ENTREP2: variants seen among roughly 807,000 people sequenced by gnomAD.
ENTREP2 encodes the protein endosomal transmembrane epsin interactor 2.
At chr15:29,201,088 A>AT in the ENTREP2 span, among the ~76,000 whole-genome samples, 1 of 152,176 alleles carries the variant, frequency 6.6e-6, no homozygotes, top group Non-Finnish European at 1.5e-5. Context: ...ATACAATTGA[A>AT]TTTTGTATGT....
chr15:29,589,176 T>C, the ENTREP2 span, among the ~76,000 whole-genome samples: 14 of 152,094 alleles, frequency 9.2e-5, no homozygotes, highest in African/African-American at 3.4e-4. Flanking sequence ...CTGGGGCAGC[T>C]GGCAAAGTTT....
the ENTREP2 span, among the ~76,000 whole-genome samples, chr15:29,596,610 A>G: frequency 6.6e-6 from 1 of 152,184 alleles, no homozygotes; most frequent in Admixed American, 6.6e-5. Flanking sequence ...TGGTACATTT[A>G]GATCCTTTTG....
chr15:29,534,900 T>C, the ENTREP2 span, among the ~76,000 whole-genome samples: 1 of 152,254 alleles, frequency 6.6e-6, no homozygotes, highest in Non-Finnish European at 1.5e-5. Flanking sequence ...TGATACTGTA[T>C]ACTTTTCAAA....
the ENTREP2 span, among the ~76,000 whole-genome samples, chr15:29,284,570 A>AC: frequency 1.5e-5 from 2 of 135,150 alleles, no homozygotes; most frequent in African/African-American, 5.3e-5. Flanking sequence ...AAAAAAAAAA[A>AC]AAACCAAAAA....
At chr15:29,236,844 T>C in the ENTREP2 span, among the ~76,000 whole-genome samples, 1 of 151,588 alleles carries the variant, frequency 6.6e-6, no homozygotes, top group Admixed American at 6.6e-5. Flanking sequence ...AGTATTACTC[T>C]GATACTGAAA....
chr15:29,404,074 C>T, the ENTREP2 span, among the ~76,000 whole-genome samples: 11 of 152,206 alleles, frequency 7.2e-5, no homozygotes, highest in East Asian at 1.9e-3. Context: ...CCTGTCCCCA[C>T]GAGGTTCTGA....
At chr15:29,248,241 T>TA in the ENTREP2 span, among the ~76,000 whole-genome samples, 125 of 148,782 alleles carry the variant, frequency 8.4e-4, no homozygotes, top group Middle Eastern at 3.4e-3. Flanking sequence ...TTAACTATAT[T>TA]AAAAAAAAGC....
the ENTREP2 span, among the ~76,000 whole-genome samples, chr15:29,626,288 A>G: frequency 6.6e-6 from 1 of 152,164 alleles, no homozygotes; most frequent in East Asian, 1.9e-4. Context: ...TAATCCCGAC[A>G]TGTCAAAGGC....
chr15:29,588,140 C>A, the ENTREP2 span, among the ~76,000 whole-genome samples: 1 of 152,196 alleles, frequency 6.6e-6, no homozygotes, highest in South Asian at 2.1e-4. Context: ...AAAGAACAAG[C>A]CATTTATATC....
chr15:29,186,437 A>C, the ENTREP2 span, among the ~76,000 whole-genome samples: 1 of 152,220 alleles, frequency 6.6e-6, no homozygotes, highest in Non-Finnish European at 1.5e-5. Flanking sequence ...CACCTCCCTT[A>C]GTGGTGGCTC....
the ENTREP2 span, chr15:29,136,453 G>A: frequency 7.9e-5 from 122 of 1,547,834 alleles, 1 homozygote; most frequent in East Asian, 2.0e-4. Flanking sequence ...TGATGGCCAC[G>A]TCATACAAAG....
chr15:29,237,941 A>G, the ENTREP2 span, among the ~76,000 whole-genome samples: 1 of 152,188 alleles, frequency 6.6e-6, no homozygotes, highest in Non-Finnish European at 1.5e-5. Context: ...CAAAAGGTGG[A>G]AACAACCCAA....
chr15:29,675,013 G>A, the ENTREP2 span: 1 of 153,400 alleles, frequency 6.5e-6, no homozygotes, highest in Non-Finnish European at 1.4e-5. Flanking sequence ...CCCCGCCGGG[G>A]CCTGGGCGCG....
chr15:29,198,050 G>T, the ENTREP2 span, among the ~76,000 whole-genome samples: 1 of 152,254 alleles, frequency 6.6e-6, no homozygotes, highest in Non-Finnish European at 1.5e-5. Context: ...AGGGGTAATG[G>T]AGCATCCTCA....
At chr15:29,596,667 T>G in the ENTREP2 span, among the ~76,000 whole-genome samples, 1 of 152,112 alleles carries the variant, frequency 6.6e-6, no homozygotes, top group African/African-American at 2.4e-5. Context: ...CTAATTATTT[T>G]TATTTTTTTA....
chr15:29,431,495 G>A, the ENTREP2 span, among the ~76,000 whole-genome samples: 5 of 151,476 alleles, frequency 3.3e-5, no homozygotes, highest in East Asian at 3.9e-4. Flanking sequence ...AACTTGCCCC[G>A]GAGACATTTT....
chr15:29,571,280 G>A, the ENTREP2 span, among the ~76,000 whole-genome samples: 1 of 152,270 alleles, frequency 6.6e-6, no homozygotes, highest in South Asian at 2.1e-4. Flanking sequence ...CCTCCGCGGC[G>A]GAGCCCTGGG....
At chr15:29,614,567 C>T in the ENTREP2 span, among the ~76,000 whole-genome samples, 27 of 152,150 alleles carry the variant, frequency 1.8e-4, no homozygotes, top group African/African-American at 6.3e-4. Context: ...TCTGGGTAAC[C>T]GTGTATTTCC....
the ENTREP2 span, among the ~76,000 whole-genome samples, chr15:29,142,969 G>A: frequency 7.9e-5 from 12 of 152,232 alleles, no homozygotes; most frequent in African/African-American, 2.6e-4. Context: ...CTTTTGCCAC[G>A]ATTTCCACAC....
Sources: allele counts gnomAD v4.1 joint callset (sites outside exome capture counted in the v4.1 genomes callset), GRCh38; gene constraint gnomAD v4.1.1; transcripts MANE v1.5; gene names NCBI Gene and HGNC (gene_info 2026-07-23, HGNC 2026-07-21).